The following ARSF variants were observed in gnomAD, a reference collection of about 807,000 sequenced individuals.
ARSF encodes the protein arylsulfatase F.
Under a neutral mutation model 35.4 loss-of-function variants are expected in ARSF, and 33 were observed. The observed-to-expected ratio is 0.93, with a 90% CI of 0.71 to 1.25. The LOEUF (loss-of-function observed/expected upper bound fraction) is 1.25. Ranked by LOEUF, ARSF falls within the 50% of genes most tolerant of loss-of-function variation. ARSF has a pLI of 0.00. For synonymous variants in ARSF, 222 were observed against 193.1 expected (o/e 1.15, Z -1.24); for missense variants, 501 against 480.2 (o/e 1.04, Z -0.40).
intron 10 of ARSF, among the ~76,000 whole-genome samples, chrX:3,110,839 A>T (rs2090440285): frequency 8.9e-6 from 1 of 112,107 alleles, no homozygotes; most frequent in South Asian, 3.8e-4. Flanking sequence ...CAGAGGTTGC[A>T]GTGAGCTGAG....
chrX:3,100,119 T>C (rs750625644), intron 7 of ARSF, among the ~76,000 whole-genome samples: 5 of 112,515 alleles, frequency 4.4e-5, no homozygotes, highest in Non-Finnish European at 9.4e-5. Context: ...ATTCTTCCTC[T>C]TTTAACTTGC....
intron 9 of ARSF, among the ~76,000 whole-genome samples, chrX:3,108,370 T>C (rs1229652432): frequency 8.9e-6 from 1 of 112,336 alleles, no homozygotes; most frequent in Non-Finnish European, 1.9e-5. Flanking sequence ...GCTTTAAATC[T>C]ATAGATCAAT....
intron 7 of ARSF, among the ~76,000 whole-genome samples, chrX:3,093,064 G>C (rs767011573): frequency 1.6e-3 from 177 of 110,410 alleles, no homozygotes; most frequent in African/African-American, 5.1e-3. Context: ...TACTCGGGAG[G>C]CTGAGGCAGG....
intron 8 of ARSF, among the ~76,000 whole-genome samples, chrX:3,103,201 A>G (rs936289546): frequency 8.1e-5 from 9 of 111,624 alleles, no homozygotes; most frequent in African/African-American, 2.9e-4. Context: ...CCTCGTCTTC[A>G]TGGAGTTTAT....
chrX:3,094,914 G>A (rs1159967704), intron 7 of ARSF, among the ~76,000 whole-genome samples: 3 of 108,122 alleles, frequency 2.8e-5, no homozygotes, highest in African/African-American at 1.0e-4. Context: ...TTAATAATTT[G>A]AAAGTTATCA....
chrX:3,071,224 T>C (rs1029075894), intron 2 of ARSF, among the ~76,000 whole-genome samples: 3 of 111,539 alleles, frequency 2.7e-5, no homozygotes, highest in Non-Finnish European at 5.6e-5. Context: ...TTGATGGGTA[T>C]TTGGGCTGGT....
intron 7 of ARSF, among the ~76,000 whole-genome samples, chrX:3,094,866 AAT>A (rs1341389044): frequency 3.7e-5 from 4 of 109,193 alleles, no homozygotes; most frequent in African/African-American, 1.3e-4. Flanking sequence ...AACCCTTTAT[AAT>A]ATATATATTT....
chrX:3,076,691 G>C, intron 4 of ARSF, 22 bp downstream of exon 4: 9 of 1,205,276 alleles, frequency 7.5e-6, no homozygotes, highest in Non-Finnish European at 1.0e-5. Flanking sequence ...GGCGGGCTCT[G>C]CTGGGCTCTG....
intron 1 of ARSF, among the ~76,000 whole-genome samples, chrX:3,047,637 A>G (rs1298651730): frequency 9.1e-6 from 1 of 110,482 alleles, no homozygotes; most frequent in Non-Finnish European, 1.9e-5. Context: ...TGGACTAGGT[A>G]AACACCACTA....
Position 3,112,356 on chromosome X carries a change from C to A in ARSF, c.1573C>A (p.Pro525Thr). 3.3e-6 allele frequency: 4 copies of A among 1,211,346 alleles called. No individual in the cohort carries two copies. The highest frequency in any genetic ancestry group is 4.5e-6 in the Non-Finnish European group (4 of 895,383). Reference sequence around the variant, plus strand: ...CACACCCCTGACACCTGCCACAGAGCCCCTCCATGATTTTGTGATTAAAAA... The same window carrying A: ...CACACCCCTGACACCTGCCACAGAGACCCTCCATGATTTTGTGATTAAAAA... ...ESTPLTPATEPLHDFVIKKVA... is the reference protein window; with the variant it reads ...ESTPLTPATETLHDFVIKKVA... The change falls in exon 11 of 11, where the codon CCC becomes ACC. Residue 525 changes from proline to threonine, a missense_variant. By Grantham distance (38) the Pro-to-Thr change is conservative (BLOSUM62 -1). Transcript: ENST00000381127.
chrX:3,040,420 T>A (rs1283758076), upstream of ARSF, among the ~76,000 whole-genome samples: 1 of 110,846 alleles, frequency 9.0e-6, no homozygotes, highest in East Asian at 2.8e-4. Context: ...TACCTCCTTT[T>A]TATTTTTCTC....
intron 4 of ARSF, among the ~76,000 whole-genome samples, chrX:3,078,556 G>A (rs2090171049): frequency 9.0e-6 from 1 of 111,124 alleles, no homozygotes; most frequent in Non-Finnish European, 1.9e-5. Flanking sequence ...CTGAAGTGCA[G>A]TGTCACAATC....
chrX:3,046,442 G>A lies in ARSF; in HGVS notation c.-29+4779G>A, dbSNP rs184285520. Among the ~76,000 whole-genome samples the A allele has an allele frequency of 2.7e-3, 301 of 111,667 alleles. 2 individuals carry two copies. The highest frequency in any genetic ancestry group is 9.1e-3 in the African/African-American group (279 of 30,776). On this transcript the variant is annotated intron_variant, in intron 1 of 10. Coordinates refer to ENST00000381127, the MANE Select transcript of ARSF (RefSeq NM_001201539.2). Reference sequence around the variant, plus strand: ...ACTCTTTTACCCTCACTATCTGCCTGAATAATTTCTTTCTAGTTCCTCTAT... The same window carrying A: ...ACTCTTTTACCCTCACTATCTGCCTAAATAATTTCTTTCTAGTTCCTCTAT...
chrX:3,072,266 G>A lies in ARSF; in HGVS notation c.161+91G>A. On this transcript the variant is annotated intron_variant, in intron 3 of 10. Transcript: ENST00000381127. ...GCTGCATCTATGTGCAAAACCAAAT[G>A]TATTTGTTGGGACTTTTTTTTAAGT... 7.5e-6 allele frequency: 7 copies of A among 931,759 alleles called. No individual in the cohort carries two copies. In the South Asian group the frequency reaches 2.4e-4, roughly 32 times the overall value. 76.8% of individuals were successfully genotyped at this position (931,759 alleles called of 1,213,427 possible). A position where few individuals can be genotyped will look rare whatever the true frequency, so the allele number is the denominator to read the frequency against.
At chrX:3,074,088 A>G (rs767964772) in intron 3 of ARSF, among the ~76,000 whole-genome samples, 4 of 110,863 alleles carry the variant, frequency 3.6e-5, no homozygotes, top group South Asian at 3.8e-4. Flanking sequence ...GCTAGGAGTC[A>G]TGAAAAAGTA....
intron 3 of ARSF, among the ~76,000 whole-genome samples, chrX:3,072,428 A>G (rs1399399872): frequency 9.0e-6 from 1 of 111,673 alleles, no homozygotes; most frequent in East Asian, 2.8e-4. Flanking sequence ...CACAGGGTAC[A>G]CAGTGAGGTT....
At chrX:3,070,078 A>T (rs1469921141) in intron 2 of ARSF, among the ~76,000 whole-genome samples, 1 of 111,818 alleles carries the variant, frequency 8.9e-6, no homozygotes, top group Non-Finnish European at 1.9e-5. Context: ...CCCAGCAGGC[A>T]TCATTCTACC....
intron 4 of ARSF, among the ~76,000 whole-genome samples, chrX:3,079,242 GT>G (rs2090176886): frequency 9.0e-6 from 1 of 110,888 alleles, no homozygotes; most frequent in East Asian, 2.8e-4. Context: ...ACATGTACAA[GT>G]TTTTCTTTGA....
chrX:3,059,640 C>T (rs776825582), intron 1 of ARSF, among the ~76,000 whole-genome samples: 21 of 112,712 alleles, frequency 1.9e-4, no homozygotes, highest in Non-Finnish European at 3.2e-4. Context: ...TTATATCCTG[C>T]ACCTGGCTCG....
Sources: allele counts gnomAD v4.1 joint callset (sites outside exome capture counted in the v4.1 genomes callset), GRCh38; gene constraint gnomAD v4.1.1; transcripts MANE v1.5; gene names NCBI Gene and HGNC (gene_info 2026-07-23, HGNC 2026-07-21).